PRKCH: variants seen among roughly 807,000 people sequenced by gnomAD.
PRKCH encodes protein kinase C eta type.
PRKCH carries 28 observed loss-of-function variants against 82.5 expected under a neutral mutation model. The observed-to-expected ratio is 0.34, with a 90% CI of 0.25 to 0.47. PRKCH has a LOEUF of 0.47. Among genes scored for constraint, PRKCH ranks in the 20% least tolerant of loss-of-function variants. The pLI is 1.00. For missense variants in PRKCH, 705 were observed against 881.8 expected (o/e 0.80, Z 2.54); for synonymous variants, 322 against 327.4 (o/e 0.98, Z 0.18).
At chr14:61,504,721 T>A (rs528855506) in intron 10 of PRKCH, among the ~76,000 whole-genome samples, 5 of 152,336 alleles carry the variant, frequency 3.3e-5, no homozygotes, top group African/African-American at 9.6e-5. Flanking sequence ...AACAGATTTA[T>A]TTTTTAACAT....
At chr14:61,310,502 G>A (rs2045514466) in intron 1 of PRKCH, among the ~76,000 whole-genome samples, 1 of 152,216 alleles carries the variant, frequency 6.6e-6, no homozygotes, top group Non-Finnish European at 1.5e-5. Flanking sequence ...AGGGCACACT[G>A]ATACAAAGAG....
chr14:61,253,930 T>C (rs953770270), intron 1 of PRKCH, among the ~76,000 whole-genome samples: 5 of 151,808 alleles, frequency 3.3e-5, no homozygotes, highest in Admixed American at 1.3e-4. Flanking sequence ...GGTAAACACG[T>C]ACACAAATGT....
At chr14:61,234,847 G>A (rs891964401) in intron 1 of PRKCH, among the ~76,000 whole-genome samples, 3 of 152,228 alleles carry the variant, frequency 2.0e-5, no homozygotes, top group East Asian at 1.9e-4. Context: ...TCACTTGCCA[G>A]CTATGTTCAG....
chr14:61,440,505 C>A (rs2140273580), intron 2 of PRKCH, among the ~76,000 whole-genome samples: 1 of 152,380 alleles, frequency 6.6e-6, no homozygotes, highest in African/African-American at 2.4e-5. Context: ...TGGACTCTTT[C>A]TGCATTTCAC....
chr14:61,403,663 A>G (rs1881784996), intron 2 of PRKCH, among the ~76,000 whole-genome samples: 1 of 152,346 alleles, frequency 6.6e-6, no homozygotes, highest in African/African-American at 2.4e-5. Flanking sequence ...CTTCTGAACA[A>G]GTGATCAGTG....
intron 1 of PRKCH, among the ~76,000 whole-genome samples, chr14:61,356,873 G>C (rs914045049): frequency 6.6e-6 from 1 of 152,136 alleles, no homozygotes; most frequent in Non-Finnish European, 1.5e-5. Context: ...GTTGAGACAG[G>C]GTTTCGCCAT....
chr14:61,316,644 G>A (rs2045563787), upstream of PRKCH, among the ~76,000 whole-genome samples: 1 of 152,228 alleles, frequency 6.6e-6, no homozygotes, highest in Non-Finnish European at 1.5e-5. Flanking sequence ...GATAAAAGTT[G>A]TTACATAGGA....
chr14:61,269,998 A>C (rs1435144865), intron 1 of PRKCH, among the ~76,000 whole-genome samples: 1 of 152,176 alleles, frequency 6.6e-6, no homozygotes, highest in Non-Finnish European at 1.5e-5. Flanking sequence ...GGAAAAATGC[A>C]AGACTCTATG....
chr14:61,372,008 T>G (rs1031326123), intron 1 of PRKCH, among the ~76,000 whole-genome samples: 9 of 152,026 alleles, frequency 5.9e-5, no homozygotes. Context: ...TCAGATTTGG[T>G]TTTTGGGAGC....
At chr14:61,427,776 G>A (rs1447640366) in intron 2 of PRKCH, among the ~76,000 whole-genome samples, 1 of 151,968 alleles carries the variant, frequency 6.6e-6, no homozygotes, top group Non-Finnish European at 1.5e-5. Flanking sequence ...TGTAGAGACA[G>A]GGTTTCATCA....
chr14:61,544,959 A>C (rs1157041629), intron 12 of PRKCH: 1 of 152,190 alleles, frequency 6.6e-6, no homozygotes, highest in East Asian at 1.9e-4. Flanking sequence ...TAGTTGCTGA[A>C]CTTGTCATGT....
intron 2 of PRKCH, among the ~76,000 whole-genome samples, chr14:61,434,537 A>G (rs1883583778): frequency 1.3e-5 from 2 of 152,244 alleles, no homozygotes; most frequent in South Asian, 2.1e-4. Flanking sequence ...TGAAATATTC[A>G]TAGAATCACA....
intron 1 of PRKCH, among the ~76,000 whole-genome samples, chr14:61,201,497 A>G (rs2044481256): frequency 6.6e-6 from 1 of 152,216 alleles, no homozygotes; most frequent in Non-Finnish European, 1.5e-5. Context: ...GAATTATTCT[A>G]TAAATAAAGC....
chr14:61,372,149 G>A (rs2046371070), intron 1 of PRKCH, among the ~76,000 whole-genome samples: 1 of 152,042 alleles, frequency 6.6e-6, no homozygotes, highest in African/African-American at 2.4e-5. Flanking sequence ...GGCTCACTTT[G>A]TATATTCTTT....
chr14:61,198,948 A>G (rs2140037198), intron 1 of PRKCH, among the ~76,000 whole-genome samples: 1 of 152,244 alleles, frequency 6.6e-6, no homozygotes, highest in East Asian at 1.9e-4. Context: ...ACAAACTGGG[A>G]TAAGGTTGAC....
At chr14:61,223,985 C>G (rs186726837) in intron 1 of PRKCH, among the ~76,000 whole-genome samples, 17 of 152,304 alleles carry the variant, frequency 1.1e-4, no homozygotes, top group African/African-American at 3.4e-4. Flanking sequence ...TTCAACATGT[C>G]CAAGCAGGCT....
chr14:61,423,012 G>C (rs747578101), intron 2 of PRKCH, among the ~76,000 whole-genome samples: 2 of 152,188 alleles, frequency 1.3e-5, no homozygotes, highest in Non-Finnish European at 2.9e-5. Context: ...TGCTACAAAT[G>C]TTTGATTGAA....
chr14:61,294,772 G>A (rs1490722170), intron 1 of PRKCH, among the ~76,000 whole-genome samples: 1 of 151,178 alleles, frequency 6.6e-6, no homozygotes, highest in Non-Finnish European at 1.5e-5. Context: ...AAAAAGGCCT[G>A]CAAGGAGATG....
intron 1 of PRKCH, among the ~76,000 whole-genome samples, chr14:61,252,993 A>G (rs528360577): frequency 2.0e-5 from 3 of 152,340 alleles, no homozygotes; most frequent in African/African-American, 7.2e-5. Context: ...ATGGCAAACA[A>G]GCGCTGCTCG....
Sources: gnomAD v4.1 joint callset for allele counts (sites outside exome capture counted in the v4.1 genomes callset) on GRCh38, gnomAD v4.1.1 for gene constraint, MANE v1.5 for transcripts, NCBI Gene and HGNC (gene_info 2026-07-23, HGNC 2026-07-21) for gene names.